ATP11B: variants seen among roughly 807,000 people sequenced by gnomAD.
The protein encoded by ATP11B is ATPase phospholipid transporting 11B (putative), also known as phospholipid-transporting ATPase IF.
A neutral mutation model predicts 157.8 loss-of-function variants in ATP11B; 81 were observed. That is an observed-to-expected ratio of 0.51 (90% CI 0.43 to 0.62). The LOEUF (loss-of-function observed/expected upper bound fraction) is 0.62, where lower values mean the gene tolerates loss of function less well. Among genes scored for constraint, ATP11B ranks in the 20% least tolerant of loss-of-function variants. The pLI is 0.00. For synonymous variants in ATP11B, 451 were observed against 469.4 expected (o/e 0.96, Z 0.51); for missense variants, 1,165 against 1,402.2 (o/e 0.83, Z 2.70).
chr3:182,842,886 AGTT>A (rs1313356956), intron 8 of ATP11B, among the ~76,000 whole-genome samples: 1 of 152,248 alleles, frequency 6.6e-6, no homozygotes, highest in Non-Finnish European at 1.5e-5. Flanking sequence ...AATCCCATTC[AGTT>A]GTTAATAATT....
At chr3:182,838,478 A>G (rs1718736491) in intron 7 of ATP11B, among the ~76,000 whole-genome samples, 1 of 152,058 alleles carries the variant, frequency 6.6e-6, no homozygotes, top group South Asian at 2.1e-4. Context: ...TTAAATAAAC[A>G]CTTTCTCTTA....
In ATP11B at chr3:182,869,728, A is replaced by G. The variant is rs899305418; in HGVS notation, c.1866+397A>G. 3.9e-5 allele frequency among the ~76,000 whole-genome samples: 6 copies of G among 152,378 alleles called. No individual in the cohort carries two copies. In the South Asian group the frequency reaches 6.2e-4, roughly 16 times the overall value. On this transcript the variant is annotated intron_variant, in intron 17 of 29. Transcript: ENST00000323116. The stretch of plus-strand genomic sequence containing the variant: ...CTCAAAAGGTAAACATTGAGTTACT[A>G]TATGACACAGCAGTTCTACTCCTGG...
At chr3:182,822,846 A>G (rs1029227117) in intron 2 of ATP11B, among the ~76,000 whole-genome samples, 1 of 152,040 alleles carries the variant, frequency 6.6e-6, no homozygotes, top group Admixed American at 6.5e-5. Context: ...TGTGGTTTTG[A>G]TTTGCATTTC....
chr3:182,811,815 A>G (rs1315020655), intron 1 of ATP11B, among the ~76,000 whole-genome samples: 3 of 152,188 alleles, frequency 2.0e-5, no homozygotes, highest in African/African-American at 7.2e-5. Context: ...AGGTAAGAGC[A>G]TTATGTATTT....
At chr3:182,800,607 T>C (rs550467566) in intron 1 of ATP11B, among the ~76,000 whole-genome samples, 13 of 152,282 alleles carry the variant, frequency 8.5e-5, no homozygotes, top group African/African-American at 2.9e-4. Context: ...ATGACATGCA[T>C]TGAATTTCTG....
rs1720630657 is a variant in ATP11B, at chr3:182,859,014, A to T, written c.1003-148A>T. ...TGTAATGTTAAAAAGACAATTCAAT[A>T]AATGAATTTCAATTCATGAGACTAT... On this transcript the variant is annotated intron_variant, in intron 11 of 29. Coordinates refer to ENST00000323116, the MANE Select transcript of ATP11B (RefSeq NM_014616.3). 14 of 517,722 alleles carry T rather than the reference A, an allele frequency of 2.7e-5. No homozygotes were observed. In the South Asian group the frequency reaches 5.0e-4, roughly 19 times the overall value. The allele number at this position is 517,722 out of a possible 1,614,324, so 32.1% of individuals were successfully genotyped here.
At chr3:182,917,374 G>A in intron 29 of ATP11B, 2 of 985,288 alleles carry the variant, frequency 2.0e-6, no homozygotes, top group Non-Finnish European at 2.4e-6. Context: ...GCTAATTTAA[G>A]TTTACAGCTG....
At chr3:182,857,515 T>C (rs568852755) in intron 10 of ATP11B, among the ~76,000 whole-genome samples, 6 of 151,636 alleles carry the variant, frequency 4.0e-5, no homozygotes, top group South Asian at 2.1e-4. Flanking sequence ...TTTAATGCTA[T>C]ACAAATGCTA....
intron 28 of ATP11B, among the ~76,000 whole-genome samples, chr3:182,908,165 C>T (rs935911994): frequency 4.7e-5 from 7 of 149,396 alleles, no homozygotes; most frequent in South Asian, 2.1e-4. Flanking sequence ...ATAAATTTAC[C>T]GAATCAATAT....
intron 4 of ATP11B, chr3:182,833,767 GT>G: frequency 6.6e-6 from 1 of 152,206 alleles, no homozygotes; most frequent in Non-Finnish European, 1.5e-5. Flanking sequence ...ATATTATTGA[GT>G]TTTGGAATAT....
chr3:182,848,586 T>A (rs763019431), intron 10 of ATP11B, 29 bp downstream of exon 10: 5 of 1,326,818 alleles, frequency 3.8e-6, no homozygotes, highest in African/African-American at 3.0e-5. Flanking sequence ...TTTATTTATA[T>A]GTAATTATAA....
chr3:182,836,424 C>A lies in ATP11B; in HGVS notation c.506C>A (p.Ser169Tyr). Residue 169 changes from serine to tyrosine, a missense_variant, in exon 6 of 30, where the codon TCC (serine) becomes TAC (tyrosine). Around this residue, in one of 4 missense-constraint regions of ATP11B, gnomAD observed 737 missense variants for 930.5 expected, o/e 0.79. Transcript: ENST00000323116. ...VLLSSDRLDG[S>Y]CHVTTASLDG... ...CTGTCCTCAGATCGACTGGATGGTT[C>A]CTGTCACGTTACAACTGCTAGTTTG... 6.2e-7 allele frequency: 1 copy of A among 1,613,904 alleles called. No homozygotes were observed. The highest frequency in any genetic ancestry group is 8.5e-7 in the Non-Finnish European group (1 of 1,179,862).
intron 3 of ATP11B, among the ~76,000 whole-genome samples, chr3:182,828,852 T>C (rs907771935): frequency 2.0e-5 from 3 of 152,094 alleles, no homozygotes; most frequent in African/African-American, 7.2e-5. Flanking sequence ...GCCATTTTCC[T>C]TTAAAGAAGT....
At position 182,865,473 on chromosome 3, in the gene ATP11B, A is replaced by C; in HGVS notation, c.1218A>C (p.Thr406=). The C allele has an allele frequency of 6.2e-7, 1 of 1,613,548 alleles. No homozygotes were observed. Among genetic ancestry groups the C allele is most frequent in the Non-Finnish European group, 8.5e-7 (1 of 1,179,596 alleles). The part of the protein sequence containing the change: ...EELGQVEYVF[T]DKTGTLTENE... ...CTCTATAGGTAGAGTACGTGTTTAC[A>C]GATAAAACTGGTACACTGACAGAAA... Residue 406 remains threonine (T), a synonymous_variant, in exon 13 of 30, where the codon ACA becomes ACC. Transcript: ENST00000323116.
intron 29 of ATP11B, chr3:182,914,632 G>A: frequency 1.0e-6 from 1 of 985,338 alleles, no homozygotes; most frequent in Non-Finnish European, 1.2e-6. Flanking sequence ...TGGAGTAAAA[G>A]AATCTTAGCA....
chr3:182,908,416 A>C (rs994501389), intron 28 of ATP11B: 4 of 151,912 alleles, frequency 2.6e-5, no homozygotes, highest in Non-Finnish European at 5.9e-5. Flanking sequence ...GGCTGTTCTC[A>C]AACTCCTGGC....
At chr3:182,847,949 C>G (rs998074545) in intron 9 of ATP11B, among the ~76,000 whole-genome samples, 1 of 152,148 alleles carries the variant, frequency 6.6e-6, no homozygotes, top group Non-Finnish European at 1.5e-5. Flanking sequence ...ATTCAATAGG[C>G]GCACATTTTT....
intron 1 of ATP11B, among the ~76,000 whole-genome samples, chr3:182,814,317 G>A (rs1046404937): frequency 6.6e-6 from 1 of 152,008 alleles, no homozygotes. Context: ...TGTCCACCTC[G>A]GCCTCCCAAA....
chr3:182,824,764 A>G (rs1717603581), intron 2 of ATP11B, among the ~76,000 whole-genome samples: 1 of 152,216 alleles, frequency 6.6e-6, no homozygotes, highest in Non-Finnish European at 1.5e-5. Context: ...ACTACCTATT[A>G]CGCCACTATT....
Sources: allele counts gnomAD v4.1 joint callset (sites outside exome capture counted in the v4.1 genomes callset), GRCh38; gene constraint gnomAD v4.1.1; regional missense constraint gnomAD v4.1.1; transcripts MANE v1.5; gene names NCBI Gene and HGNC (gene_info 2026-07-23, HGNC 2026-07-21).